DIAPH2: variants seen among roughly 807,000 people sequenced by gnomAD.
DIAPH2 encodes diaphanous related formin 2.
DIAPH2 carries 35 observed loss-of-function variants against 92.7 expected under a neutral mutation model. The observed-to-expected ratio is 0.38, with a 90% CI of 0.29 to 0.50. The LOEUF is 0.50. Ranked by LOEUF, DIAPH2 falls within the 20% of genes least tolerant of loss-of-function variation. DIAPH2 has a pLI of 0.94. For missense variants in DIAPH2, 701 were observed against 819.5 expected, an observed-to-expected ratio of 0.86 and a Z score of 1.77; for synonymous variants, 301 against 280.4, an observed-to-expected ratio of 1.07 and a Z score of -0.73.
chrX:97,188,441 G>A (rs373426033), intron 22 of DIAPH2, among the ~76,000 whole-genome samples: 34 of 111,963 alleles, frequency 3.0e-4, no homozygotes, highest in African/African-American at 1.0e-3. Flanking sequence ...GCAATGGACC[G>A]TCCAATACGA....
chrX:96,730,779 T>C (rs1158221551), intron 1 of DIAPH2, among the ~76,000 whole-genome samples: 1 of 111,530 alleles, frequency 9.0e-6, no homozygotes, highest in East Asian at 2.8e-4. Flanking sequence ...ACTGAACAGT[T>C]TCACTTATGT....
At chrX:97,543,618 C>T (rs1207537062) in intron 26 of DIAPH2, among the ~76,000 whole-genome samples, 1 of 110,491 alleles carries the variant, frequency 9.1e-6, no homozygotes, top group African/African-American at 3.3e-5. Flanking sequence ...GATTCTTCTG[C>T]CTCAGCCTCT....
intron 4 of DIAPH2, among the ~76,000 whole-genome samples, chrX:96,827,810 G>A (rs1306613709): frequency 8.9e-6 from 1 of 112,488 alleles, no homozygotes; most frequent in Non-Finnish European, 1.9e-5. Context: ...GAACACAGGA[G>A]TGAAACAGAC....
chrX:97,031,351 A>AGGGGGGGGG (rs374125801), intron 17 of DIAPH2, among the ~76,000 whole-genome samples: 1 of 12,589 alleles, frequency 7.9e-5, no homozygotes, highest in African/African-American at 1.9e-4. Context: ...ATGGGGCGGG[A>AGGGGGGGGG]GGGGGGGGGA....
chrX:97,011,322 C>T (rs2066223874), intron 17 of DIAPH2, among the ~76,000 whole-genome samples: 1 of 111,871 alleles, frequency 8.9e-6, no homozygotes, highest in African/African-American at 3.2e-5. Context: ...ATTTGTTCAT[C>T]AGCCATTCAT....
chrX:97,406,605 A>G (rs1051954501), intron 25 of DIAPH2, among the ~76,000 whole-genome samples: 1 of 112,089 alleles, frequency 8.9e-6, no homozygotes, highest in African/African-American at 3.2e-5. Context: ...TCGTAAGAGT[A>G]TAAGTAGTGT....
At chrX:97,558,031 A>G in intron 26 of DIAPH2, among the ~76,000 whole-genome samples, 1 of 112,502 alleles carries the variant, frequency 8.9e-6, no homozygotes, top group East Asian at 2.8e-4. Flanking sequence ...GACAACTATC[A>G]TGAATTCTGA....
chrX:97,207,522 C>T (rs1237892530), intron 22 of DIAPH2, among the ~76,000 whole-genome samples: 1 of 111,270 alleles, frequency 9.0e-6, no homozygotes, highest in East Asian at 2.8e-4. Flanking sequence ...TTTACCAGAA[C>T]CTTATGAGGT....
At chrX:97,146,186 G>T (rs2067246607) in intron 22 of DIAPH2, among the ~76,000 whole-genome samples, 1 of 108,142 alleles carries the variant, frequency 9.2e-6, no homozygotes, top group Non-Finnish European at 1.9e-5. Flanking sequence ...GTACATTTCA[G>T]CCCTGTTTGA....
At chrX:97,353,841 G>A (rs188743757) in intron 24 of DIAPH2, among the ~76,000 whole-genome samples, 36 of 111,091 alleles carry the variant, frequency 3.2e-4, no homozygotes, top group Middle Eastern at 4.6e-3. Context: ...GATTGAGACC[G>A]GGTTGCTCTG....
intron 19 of DIAPH2, among the ~76,000 whole-genome samples, chrX:97,099,096 C>A (rs2066888676): frequency 9.0e-6 from 1 of 111,725 alleles, no homozygotes; most frequent in Non-Finnish European, 1.9e-5. Flanking sequence ...TGTACCTAAG[C>A]AAATTCTACA....
intron 22 of DIAPH2, among the ~76,000 whole-genome samples, chrX:97,216,242 CA>C (rs1341894738): frequency 1.8e-5 from 2 of 111,998 alleles, no homozygotes; most frequent in Non-Finnish European, 3.8e-5. Context: ...ATTTCTTATA[CA>C]AAGGAGTGTC....
At position 97,510,283 on chromosome X, in the gene DIAPH2, G is replaced by A. The variant is rs1400924302; in HGVS notation, c.3241+80538G>A. Among the ~76,000 whole-genome samples, 513 of 111,402 alleles carry A rather than the reference G, an allele frequency of 4.6e-3. 1 individual carries two copies. Among genetic ancestry groups the A allele is most frequent in the African/African-American group, 0.016 (485 of 30,294 alleles). ...AGTGATGATGAGCATTTTTTCATGTGTCTTTTGGCTGCATAAATGTCTTCT... is the reference window on the plus strand; with the variant it reads ...AGTGATGATGAGCATTTTTTCATGTATCTTTTGGCTGCATAAATGTCTTCT... On this transcript the variant is annotated intron_variant, in intron 26 of 26. Coordinates refer to ENST00000324765, the MANE Select transcript of DIAPH2 (RefSeq NM_006729.5).
At chrX:97,351,933 T>A (rs932047913) in intron 24 of DIAPH2, among the ~76,000 whole-genome samples, 3 of 111,311 alleles carry the variant, frequency 2.7e-5, no homozygotes, top group African/African-American at 9.7e-5. Context: ...CATCACCAAC[T>A]TCAGTCAATC....
chrX:97,117,067 C>A (rs1349484393), intron 21 of DIAPH2, among the ~76,000 whole-genome samples: 2 of 111,418 alleles, frequency 1.8e-5, no homozygotes, highest in Non-Finnish European at 3.8e-5. Context: ...AATAGGTGTT[C>A]CAAAAGTGAA....
intron 25 of DIAPH2, among the ~76,000 whole-genome samples, chrX:97,402,207 CGTGTGTGTGTGTGTGTGTGTGT>C (rs10695870): frequency 1.0e-5 from 1 of 99,842 alleles, no homozygotes; most frequent in African/African-American, 3.6e-5. Context: ...TCATTTGCAT[CGTGTGTGTGTGTGTGTGTGTGT>C]GTGTGTGTAG....
chrX:97,369,162 C>T (rs1420147094), intron 24 of DIAPH2, among the ~76,000 whole-genome samples: 1 of 111,392 alleles, frequency 9.0e-6, no homozygotes, highest in Non-Finnish European at 1.9e-5. Flanking sequence ...CCCGCCTCAG[C>T]CTCCCACAGT....
chrX:97,279,406 C>T (rs1166852409), intron 23 of DIAPH2, among the ~76,000 whole-genome samples: 2 of 105,604 alleles, frequency 1.9e-5, no homozygotes, highest in Non-Finnish European at 1.9e-5. Context: ...GAGAGTGGGG[C>T]GATTCTTCTG....
chrX:97,325,606 C>G (rs1367015638), intron 23 of DIAPH2, among the ~76,000 whole-genome samples: 1 of 105,539 alleles, frequency 9.5e-6, no homozygotes, highest in African/African-American at 3.5e-5. Flanking sequence ...GAGATGGAGT[C>G]TCACTCTGTC....
Sources: gnomAD v4.1 joint callset for allele counts (sites outside exome capture counted in the v4.1 genomes callset) on GRCh38, gnomAD v4.1.1 for gene constraint, MANE v1.5 for transcripts, NCBI Gene and HGNC (gene_info 2026-07-23, HGNC 2026-07-21) for gene names.